The following SLC24A2 variants were observed in gnomAD, a reference collection of about 807,000 sequenced individuals.
SLC24A2 encodes the protein solute carrier family 24 member 2.
A neutral mutation model predicts 62.0 loss-of-function variants in SLC24A2; 36 were observed. The ratio of observed to expected loss-of-function variants is 0.58; its 90% CI spans 0.44 to 0.77. SLC24A2 has a LOEUF of 0.77. Among genes scored for constraint, SLC24A2 ranks in the 30% least tolerant of loss-of-function variants. The pLI, the probability that SLC24A2 is intolerant of heterozygous loss-of-function variation, is 0.00. For synonymous variants in SLC24A2, 358 were observed against 294.0 expected, an observed-to-expected ratio of 1.22 and a Z score of -2.23; for missense variants, 846 against 817.9, an observed-to-expected ratio of 1.03 and a Z score of -0.42.
chr9:19,787,215 G>A (rs1823202376), intron 1 of SLC24A2, among the ~76,000 whole-genome samples, 196 bp from the exon 2 acceptor site: 1 of 152,130 alleles, frequency 6.6e-6, no homozygotes, highest in Admixed American at 6.5e-5. Flanking sequence ...TTTTCAAGAT[G>A]AGTAAAAACA....
At chr9:19,830,113 A>C in the SLC24A2 span, among the ~76,000 whole-genome samples, 105,386 of 151,840 alleles carry the variant, frequency 0.69, 40,956 homozygotes, top group Non-Finnish European at 0.87. Flanking sequence ...TTTCCAGCAG[A>C]GTTCCAAGTT....
chr9:19,883,730 G>C, the SLC24A2 span, among the ~76,000 whole-genome samples: 2 of 151,882 alleles, frequency 1.3e-5, no homozygotes, highest in Non-Finnish European at 2.9e-5. Flanking sequence ...CATGCCTGGC[G>C]AATTTTTTGT....
chr9:19,554,102 A>C (rs562005646), intron 7 of SLC24A2, among the ~76,000 whole-genome samples: 1 of 152,286 alleles, frequency 6.6e-6, no homozygotes, highest in African/African-American at 2.4e-5. Context: ...TGGTGTCCTT[A>C]TAGGAGAAGA....
the SLC24A2 span, among the ~76,000 whole-genome samples, chr9:19,912,857 T>C: frequency 2.6e-5 from 4 of 152,134 alleles, no homozygotes; most frequent in Admixed American, 6.6e-5. Flanking sequence ...ATGAAAGATG[T>C]CAAATGCCTG....
At chr9:19,831,633 G>T in the SLC24A2 span, among the ~76,000 whole-genome samples, 184 of 152,232 alleles carry the variant, frequency 1.2e-3, 2 homozygotes, top group African/African-American at 4.3e-3. Flanking sequence ...TTTTTAAAAT[G>T]ATTTCTAATT....
the SLC24A2 span, among the ~76,000 whole-genome samples, chr9:20,009,139 C>T: frequency 1.3e-5 from 2 of 152,134 alleles, no homozygotes; most frequent in Admixed American, 6.6e-5. Context: ...TGGAGGTGGA[C>T]ATTCAGCCTC....
chr9:19,596,261 C>T (rs1205701800), intron 5 of SLC24A2, among the ~76,000 whole-genome samples: 1 of 152,172 alleles, frequency 6.6e-6, no homozygotes, highest in East Asian at 1.9e-4. Flanking sequence ...ATATGCAACA[C>T]ATTTGGGAGT....
chr9:19,636,390 C>CCTCT (rs199847385), intron 2 of SLC24A2, among the ~76,000 whole-genome samples: 14,681 of 66,564 alleles, frequency 0.22, 3,058 homozygotes, highest in Middle Eastern at 0.33. Flanking sequence ...TTTCTTTCTC[C>CCTCT]CTCTCTCTCT....
chr9:20,158,930 T>C, the SLC24A2 span, among the ~76,000 whole-genome samples: 1 of 151,728 alleles, frequency 6.6e-6, no homozygotes, highest in Non-Finnish European at 1.5e-5. Context: ...TAGACTATCC[T>C]AGTAAAACTA....
At chr9:20,169,384 G>T in the SLC24A2 span, among the ~76,000 whole-genome samples, 1 of 151,944 alleles carries the variant, frequency 6.6e-6, no homozygotes, top group East Asian at 1.9e-4. Context: ...GAATAAATCA[G>T]GAAAGTGAAG....
the SLC24A2 span, among the ~76,000 whole-genome samples, chr9:20,095,412 T>A: frequency 6.6e-6 from 1 of 152,210 alleles, no homozygotes; most frequent in Non-Finnish European, 1.5e-5. Context: ...TGGGATGAGA[T>A]TAATATTTAA....
At chr9:20,018,848 G>C in the SLC24A2 span, among the ~76,000 whole-genome samples, 2 of 152,140 alleles carry the variant, frequency 1.3e-5, no homozygotes, top group African/African-American at 4.8e-5. Context: ...AGGATTGCTT[G>C]AGGTGAGGAG....
intron 1 of SLC24A2, among the ~76,000 whole-genome samples, chr9:19,787,817 C>T (rs574576443): frequency 6.6e-6 from 1 of 152,254 alleles, no homozygotes; most frequent in African/African-American, 2.4e-5. Flanking sequence ...AACAAGTAGG[C>T]TATTTCGAGA....
the SLC24A2 span, among the ~76,000 whole-genome samples, chr9:19,898,578 T>C: frequency 6.6e-6 from 1 of 151,794 alleles, no homozygotes; most frequent in Middle Eastern, 3.4e-3. Context: ...CCATCTCTAC[T>C]AAAAATACAA....
At chr9:20,209,879 T>A in the SLC24A2 span, among the ~76,000 whole-genome samples, 1 of 152,228 alleles carries the variant, frequency 6.6e-6, no homozygotes, top group South Asian at 2.1e-4. Context: ...TTGGTTTAAG[T>A]ACGCCTGAAA....
At chr9:19,827,555 T>C in the SLC24A2 span, among the ~76,000 whole-genome samples, 1 of 152,138 alleles carries the variant, frequency 6.6e-6, no homozygotes, top group South Asian at 2.1e-4. Context: ...CTCTAAGATG[T>C]ACATTTTCAT....
intron 2 of SLC24A2, among the ~76,000 whole-genome samples, chr9:19,650,841 GTGTGTGTGTT>G (rs1004967898): frequency 6.6e-6 from 1 of 151,936 alleles, no homozygotes; most frequent in African/African-American, 2.4e-5. Context: ...GTGTGTGTGT[GTGTGTGTGTT>G]TGTGTGTGTA....
intron 2 of SLC24A2, among the ~76,000 whole-genome samples, chr9:19,670,247 T>C (rs935741687): frequency 3.3e-5 from 5 of 152,186 alleles, no homozygotes; most frequent in Admixed American, 6.5e-5. Flanking sequence ...TGGGGAGACA[T>C]GTTATCTCAT....
the SLC24A2 span, among the ~76,000 whole-genome samples, chr9:20,242,625 G>A: frequency 3.3e-5 from 5 of 152,126 alleles, no homozygotes; most frequent in African/African-American, 1.2e-4. Context: ...GGATGTGTCG[G>A]ATTTTATCTT....
Sources: allele counts gnomAD v4.1 joint callset (sites outside exome capture counted in the v4.1 genomes callset), GRCh38; gene constraint gnomAD v4.1.1; transcripts MANE v1.5; gene names NCBI Gene and HGNC (gene_info 2026-07-23, HGNC 2026-07-21).